The following ITGAV variants were observed in gnomAD, a reference collection of about 807,000 sequenced individuals.
The protein encoded by ITGAV is integrin subunit alpha V.
In ITGAV, 76 loss-of-function variants were observed where a neutral mutation model predicts 143.8. The observed-to-expected ratio is 0.53, with a 90% confidence interval of 0.44 to 0.64. The LOEUF is 0.64. Among genes scored for constraint, ITGAV ranks in the 30% least tolerant of loss-of-function variants. ITGAV has a pLI of 0.00. For missense variants in ITGAV, 1,193 were observed against 1,274.7 expected (o/e 0.94, Z 0.98); for synonymous variants, 453 against 446.7 (o/e 1.01, Z -0.18).
At position 186,669,761 on chromosome 2, in the gene ITGAV, C is replaced by T; in HGVS notation, c.2653C>T (p.His885Tyr). Residue 885 changes from histidine (H) to tyrosine (Y), a missense_variant, in exon 26 of 30, where the codon CAT (histidine) becomes TAT (tyrosine). Transcript: ENST00000261023. ...DTVAGQGERD[H>Y]LITKRDLALS... ...GGTTGCCGGGCAAGGTGAGCGGGAC[C>T]ATCTCATCACTAAGCGGGATCTTGC... The T allele has an allele frequency of 6.2e-7, 1 of 1,614,086 alleles. No homozygotes were observed. Among genetic ancestry groups the T allele is most frequent in the Non-Finnish European group, 8.5e-7 (1 of 1,179,996 alleles).
chr2:186,629,621 G>A (rs1404731633), intron 4 of ITGAV, among the ~76,000 whole-genome samples: 1 of 151,672 alleles, frequency 6.6e-6, no homozygotes, highest in Non-Finnish European at 1.5e-5. Flanking sequence ...TGTAATCTTT[G>A]GGCAGTTTCC....
chr2:186,593,547 C>T (rs2105643496), intron 1 of ITGAV, among the ~76,000 whole-genome samples: 1 of 151,920 alleles, frequency 6.6e-6, no homozygotes, highest in East Asian at 1.9e-4. Flanking sequence ...TAATTAGAGT[C>T]ATACTTTTCT....
At chr2:186,671,428 C>T (rs12475476) in intron 26 of ITGAV, among the ~76,000 whole-genome samples, 40,356 of 151,872 alleles carry the variant, frequency 0.27, 6,100 homozygotes, top group East Asian at 0.73. Flanking sequence ...GCTCTTCCAT[C>T]TGCCTGGAAT....
chr2:186,593,543 G>C (rs1420868959), intron 1 of ITGAV, among the ~76,000 whole-genome samples: 1 of 151,852 alleles, frequency 6.6e-6, no homozygotes, highest in Non-Finnish European at 1.5e-5. Flanking sequence ...CTAATAATTA[G>C]AGTCATACTT....
chr2:186,650,173 T>G (rs1184181062), intron 14 of ITGAV, among the ~76,000 whole-genome samples: 3 of 152,184 alleles, frequency 2.0e-5, no homozygotes, highest in Admixed American at 2.0e-4. Context: ...TTATTTGTGT[T>G]GGGAACATTC....
intron 16 of ITGAV, 47 bp from the exon 17 acceptor site, chr2:186,656,200 G>A: frequency 2.8e-6 from 4 of 1,405,092 alleles, no homozygotes; most frequent in Admixed American, 2.3e-5. Context: ...AGGATAGATA[G>A]ATGTCCATAA....
intron 18 of ITGAV, among the ~76,000 whole-genome samples, chr2:186,662,400 A>G (rs1187125851): frequency 6.6e-6 from 1 of 152,202 alleles, no homozygotes; most frequent in African/African-American, 2.4e-5. Flanking sequence ...ATCTTTGTCC[A>G]ATATATAGCC....
rs1686574824 is a variant in ITGAV at position 186,590,298 on chromosome 2, GGCTACCGCTCCCGGCTTGGCGTCCC to G, written c.-38_-14del. ...GCGCCTCGCTGGGGCGGGGGGAGGT[GGCTACCGCTCCCGGCTTGGCGTCCC>G]GCGCGCACTTCGGCGATGGCTTTTC... On this transcript the variant is annotated 5_prime_UTR_variant, in exon 1 of 30. Coordinates refer to ENST00000261023, the MANE Select transcript of ITGAV (RefSeq NM_002210.5). 1 of 1,481,606 alleles carries G rather than the reference GGCTACCGCTCCCGGCTTGGCGTCCC, an allele frequency of 6.7e-7. No individual in the cohort carries two copies. The highest frequency in any genetic ancestry group is 9.0e-7 in the Non-Finnish European group (1 of 1,117,112). 91.8% of individuals were successfully genotyped at this position (1,481,606 alleles called of 1,614,324 possible). A position where few individuals can be genotyped will look rare whatever the true frequency, so the allele number is the denominator to read the frequency against.
chr2:186,590,330 A>G lies in ITGAV; in HGVS notation c.-9A>G, dbSNP rs944083134. On this transcript the variant is annotated 5_prime_UTR_variant, in exon 1 of 30. Transcript: ENST00000261023. Reference sequence around the variant, plus strand: ...GCTCCCGGCTTGGCGTCCCGCGCGCACTTCGGCGATGGCTTTTCCGCCGCG... The same window carrying G: ...GCTCCCGGCTTGGCGTCCCGCGCGCGCTTCGGCGATGGCTTTTCCGCCGCG... The G allele has an allele frequency of 4.5e-6, 7 of 1,569,910 alleles. No homozygotes were observed. Among genetic ancestry groups the G allele is most frequent in the Non-Finnish European group, 5.2e-6 (6 of 1,161,510 alleles).
At chr2:186,666,125 A>G (rs1389155720) in intron 21 of ITGAV, among the ~76,000 whole-genome samples, 1 of 152,122 alleles carries the variant, frequency 6.6e-6, no homozygotes, top group Non-Finnish European at 1.5e-5. Context: ...CTGTTTTTAT[A>G]TGTCATTTGT....
chr2:186,668,217 T>TA (rs71017335), intron 24 of ITGAV, among the ~76,000 whole-genome samples: 28 of 8,106 alleles, frequency 3.5e-3, no homozygotes, highest in South Asian at 6.8e-3. Flanking sequence ...TATATATATA[T>TA]TTTTTTTTTT....
intron 2 of ITGAV, among the ~76,000 whole-genome samples, chr2:186,606,380 C>T (rs560356770): frequency 5.3e-5 from 8 of 152,168 alleles, no homozygotes; most frequent in Non-Finnish European, 8.8e-5. Flanking sequence ...ACCCTCATCT[C>T]CCTAGTGCAG....
chr2:186,661,386 A>C lies in ITGAV; in HGVS notation c.1857+2211A>C, dbSNP rs1688739473. ...AATTTAAATTAAATAAAATTTAAAAATCAGTTCCTCAGTGACACTAAGCCC... is the reference window on the plus strand; with the variant it reads ...AATTTAAATTAAATAAAATTTAAAACTCAGTTCCTCAGTGACACTAAGCCC... On this transcript the variant is annotated intron_variant, in intron 18 of 29. Transcript: ENST00000261023. Among the ~76,000 whole-genome samples, 4 of 152,284 alleles carry C rather than the reference A, an allele frequency of 2.6e-5. No individual in the cohort carries two copies. The South Asian group carries it at 8.3e-4, about 32-fold the overall frequency.
At chr2:186,615,293 T>C (rs1321304084) in intron 2 of ITGAV, among the ~76,000 whole-genome samples, 1 of 152,156 alleles carries the variant, frequency 6.6e-6, no homozygotes, top group Non-Finnish European at 1.5e-5. Flanking sequence ...TGGGGACATA[T>C]GTTTTCCTTT....
At chr2:186,654,014 T>A (rs1688514166) in intron 15 of ITGAV, among the ~76,000 whole-genome samples, 1 of 152,094 alleles carries the variant, frequency 6.6e-6, no homozygotes, top group South Asian at 2.1e-4. Flanking sequence ...TTTTGGTGGG[T>A]CCTTTTATCA....
At chr2:186,594,436 T>G (rs1037519965) in intron 1 of ITGAV, among the ~76,000 whole-genome samples, 1 of 152,206 alleles carries the variant, frequency 6.6e-6, no homozygotes, top group East Asian at 1.9e-4. Context: ...TTCTTCCTTT[T>G]TAAGGTTTTC....
In ITGAV at chr2:186,637,059, G is replaced by C; in HGVS notation, c.758-6G>C. The C allele has an allele frequency of 6.2e-7, 1 of 1,613,222 alleles. No homozygotes were observed. The highest frequency in any genetic ancestry group is 1.7e-5 in the Admixed American group (1 of 60,004). ...TGATGGTTCTCCCCTTTGGTTTCCT[G>C]TTTAGGTTATTCTGTGGCTGTCGGA... On this transcript the variant is annotated splice_polypyrimidine_tract_variant and splice_region_variant and intron_variant, in intron 7 of 29. Transcript: ENST00000261023.
chr2:186,594,409 G>A (rs563532500), intron 1 of ITGAV, among the ~76,000 whole-genome samples: 1 of 152,160 alleles, frequency 6.6e-6, no homozygotes, highest in South Asian at 2.1e-4. Context: ...TAGTCAACAG[G>A]CAGAAGCTCC....
intron 1 of ITGAV, among the ~76,000 whole-genome samples, chr2:186,597,599 A>T (rs1686780020): frequency 6.6e-6 from 1 of 152,202 alleles, no homozygotes; most frequent in Non-Finnish European, 1.5e-5. Flanking sequence ...TTGACCAAAA[A>T]GTTATAAAAT....
Sources: gnomAD v4.1 joint callset for allele counts (sites outside exome capture counted in the v4.1 genomes callset) on GRCh38, gnomAD v4.1.1 for gene constraint, MANE v1.5 for transcripts, NCBI Gene and HGNC (gene_info 2026-07-23, HGNC 2026-07-21) for gene names.